The following UBE2D2 variants were observed in gnomAD, a reference collection of about 807,000 sequenced individuals.
UBE2D2 encodes the protein ubiquitin conjugating enzyme E2 D2, also known as ubiquitin-conjugating enzyme E2 D2.
In UBE2D2, 2 loss-of-function variants were observed where a neutral mutation model predicts 24.2. The observed-to-expected ratio is 0.08, with a 90% CI of 0.03 to 0.26. The LOEUF (loss-of-function observed/expected upper bound fraction) is 0.26. UBE2D2 is among the 10% of genes least tolerant of loss of function. UBE2D2 has a pLI of 1.00. For missense variants in UBE2D2, 44 were observed against 177.6 expected (o/e 0.25, Z 4.28); for synonymous variants, 58 against 56.5 (o/e 1.03, Z -0.12).
chr5:139,593,217 A>C (rs1048073399), intron 1 of UBE2D2, among the ~76,000 whole-genome samples: 3 of 151,650 alleles, frequency 2.0e-5, no homozygotes, highest in Non-Finnish European at 2.9e-5. Flanking sequence ...GCTGGTCTCT[A>C]TCTCTTGACC....
chr5:139,582,840 T>G (rs1753635623), intron 1 of UBE2D2, among the ~76,000 whole-genome samples: 1 of 151,792 alleles, frequency 6.6e-6, no homozygotes, highest in South Asian at 2.1e-4. Context: ...CCAGCTAATT[T>G]TTTGTAGTTT....
chr5:139,558,419 C>T (rs2126643329), upstream of UBE2D2, among the ~76,000 whole-genome samples: 1 of 152,278 alleles, frequency 6.6e-6, no homozygotes, highest in African/African-American at 2.4e-5. Context: ...TCCTGAGTAG[C>T]TGGGACTACA....
chr5:139,589,795 T>G (rs1299670179), intron 1 of UBE2D2, among the ~76,000 whole-genome samples: 2 of 152,034 alleles, frequency 1.3e-5, no homozygotes, highest in East Asian at 1.9e-4. Context: ...GGTACTTTGT[T>G]TTTTTTTGAG....
intron 1 of UBE2D2, among the ~76,000 whole-genome samples, chr5:139,538,911 A>G (rs554950410): frequency 6.6e-6 from 1 of 152,288 alleles, no homozygotes; most frequent in East Asian, 1.9e-4. Context: ...ATATTACTAC[A>G]ATAAAAAAAT....
At chr5:139,542,954 T>C (rs1035364355) in intron 1 of UBE2D2, among the ~76,000 whole-genome samples, 1 of 152,176 alleles carries the variant, frequency 6.6e-6, no homozygotes, top group Non-Finnish European at 1.5e-5. Flanking sequence ...TGGAGTGCAG[T>C]GGCCTGATCT....
At chr5:139,601,725 T>A (rs1304676192) in intron 2 of UBE2D2, among the ~76,000 whole-genome samples, 1 of 151,794 alleles carries the variant, frequency 6.6e-6, no homozygotes, top group African/African-American at 2.4e-5. Context: ...CTGGCCAAGA[T>A]GGTGAAACCC....
At chr5:139,590,584 C>T (rs548036495) in intron 1 of UBE2D2, among the ~76,000 whole-genome samples, 1 of 151,414 alleles carries the variant, frequency 6.6e-6, no homozygotes, top group Non-Finnish European at 1.5e-5. Context: ...AGTTTAAAAA[C>T]ATGTAAACAG....
chr5:139,542,173 C>T (rs1267884920), intron 1 of UBE2D2, among the ~76,000 whole-genome samples: 2 of 152,034 alleles, frequency 1.3e-5, no homozygotes, highest in East Asian at 1.9e-4. Flanking sequence ...GGCGACAGAG[C>T]GAGACTCCAT....
At chr5:139,619,329 G>A (rs1359912808) in intron 5 of UBE2D2, among the ~76,000 whole-genome samples, 1 of 151,304 alleles carries the variant, frequency 6.6e-6, no homozygotes, top group African/African-American at 2.4e-5. Flanking sequence ...CTGGGAGGGA[G>A]AGGTTGCAGT....
intron 1 of UBE2D2, among the ~76,000 whole-genome samples, chr5:139,571,380 C>T (rs1753348328): frequency 6.8e-6 from 1 of 147,582 alleles, no homozygotes; most frequent in Non-Finnish European, 1.5e-5. Context: ...GTACTCTAGT[C>T]TGGGCGACAG....
At chr5:139,533,225 C>G (rs1752619578) in intron 1 of UBE2D2, among the ~76,000 whole-genome samples, 1 of 151,866 alleles carries the variant, frequency 6.6e-6, no homozygotes, top group Non-Finnish European at 1.5e-5. Flanking sequence ...CACTCTGTCC[C>G]CCAGACTGAG....
chr5:139,532,665 C>T (rs75538730), intron 1 of UBE2D2, among the ~76,000 whole-genome samples: 16,798 of 151,052 alleles, frequency 0.11, 974 homozygotes, highest in Middle Eastern at 0.13. Flanking sequence ...TTTTGTATAT[C>T]TAGTAGAGAC....
chr5:139,585,082 TAG>T (rs1457675711), intron 1 of UBE2D2, among the ~76,000 whole-genome samples: 1 of 150,274 alleles, frequency 6.7e-6, no homozygotes, highest in Non-Finnish European at 1.5e-5. Flanking sequence ...GTATTTTTAG[TAG>T]AGACAGGGCT....
intron 2 of UBE2D2, among the ~76,000 whole-genome samples, chr5:139,609,780 T>G (rs560505017): frequency 9.7e-5 from 14 of 144,050 alleles, no homozygotes; most frequent in South Asian, 9.0e-4. Flanking sequence ...TGTTTTTTTG[T>G]TTTTTTTTTG....
At chr5:139,526,668 T>C (rs994003398) in intron 1 of UBE2D2, 1 of 152,120 alleles carries the variant, frequency 6.6e-6, no homozygotes, top group Non-Finnish European at 1.5e-5. Context: ...CGTGGCCTGA[T>C]CACCCACGGT....
intron 1 of UBE2D2, among the ~76,000 whole-genome samples, chr5:139,564,346 G>A (rs1753171842): frequency 6.6e-6 from 1 of 151,848 alleles, no homozygotes; most frequent in Non-Finnish European, 1.5e-5. Flanking sequence ...TAGAAACGGG[G>A]TTTCACCATG....
At chr5:139,595,095 C>T (rs971902959) in intron 1 of UBE2D2, among the ~76,000 whole-genome samples, 4 of 152,194 alleles carry the variant, frequency 2.6e-5, no homozygotes, top group South Asian at 4.1e-4. Flanking sequence ...ATTGGTGGAA[C>T]TCATAGACAC....
chr5:139,584,060 C>T (rs1753664783), intron 1 of UBE2D2, among the ~76,000 whole-genome samples: 1 of 152,126 alleles, frequency 6.6e-6, no homozygotes, highest in Non-Finnish European at 1.5e-5. Flanking sequence ...TCAGTAATGT[C>T]CTAGGCCCTC....
intron 5 of UBE2D2, among the ~76,000 whole-genome samples, chr5:139,622,031 A>C (rs1004656356): frequency 6.6e-6 from 1 of 152,138 alleles, no homozygotes; most frequent in Non-Finnish European, 1.5e-5. Context: ...TTCTATTCTA[A>C]TTACTAGCCA....
Sources: allele counts gnomAD v4.1 joint callset (sites outside exome capture counted in the v4.1 genomes callset), GRCh38; gene constraint gnomAD v4.1.1; transcripts MANE v1.5; gene names NCBI Gene and HGNC (gene_info 2026-07-23, HGNC 2026-07-21).